CCDC171: variants seen among roughly 807,000 people sequenced by gnomAD.
CCDC171 encodes the protein coiled-coil domain-containing protein 171.
In CCDC171, 177 loss-of-function variants were observed where a neutral mutation model predicts 168.2. The ratio of observed to expected loss-of-function variants is 1.05; its 90% confidence interval spans 0.93 to 1.19. The LOEUF is 1.19. Ranked by LOEUF, CCDC171 falls within the 50% of genes most tolerant of loss-of-function variation. The pLI is 0.00. For synonymous variants in CCDC171, 687 were observed against 540.8 expected, an observed-to-expected ratio of 1.27 and a Z score of -3.75; for missense variants, 1,991 against 1,539.0, an observed-to-expected ratio of 1.29 and a Z score of -4.91.
intron 21 of CCDC171, among the ~76,000 whole-genome samples, chr9:15,804,675 G>GA (rs1356891787): frequency 2.6e-5 from 4 of 152,104 alleles, no homozygotes; most frequent in Non-Finnish European, 5.9e-5. Flanking sequence ...TGTTCATTAA[G>GA]AATATTAGCC....
the CCDC171 span, among the ~76,000 whole-genome samples, chr9:16,071,291 T>A: frequency 6.6e-6 from 1 of 152,186 alleles, no homozygotes; most frequent in African/African-American, 2.4e-5. Flanking sequence ...TTTCTGCTCC[T>A]GTGATTGCCA....
intron 10 of CCDC171, among the ~76,000 whole-genome samples, chr9:15,688,087 C>T (rs1198169921): frequency 2.1e-5 from 3 of 144,406 alleles, no homozygotes; most frequent in Non-Finnish European, 3.0e-5. Flanking sequence ...CCATTGCACT[C>T]CAGCCTGGGC....
At chr9:15,792,456 T>TC (rs968686168) in intron 21 of CCDC171, among the ~76,000 whole-genome samples, 29 of 152,138 alleles carry the variant, frequency 1.9e-4, no homozygotes, top group African/African-American at 5.8e-4. Flanking sequence ...ACATTCAAAT[T>TC]CAGGAAATAC....
chr9:15,628,293 G>A (rs1034716894), intron 7 of CCDC171, among the ~76,000 whole-genome samples: 1 of 152,154 alleles, frequency 6.6e-6, no homozygotes, highest in Admixed American at 6.5e-5. Flanking sequence ...GGGATGACAG[G>A]TGGCACCTGG....
At chr9:15,648,918 A>C (rs957843161) in intron 7 of CCDC171, among the ~76,000 whole-genome samples, 4 of 152,226 alleles carry the variant, frequency 2.6e-5, no homozygotes, top group Non-Finnish European at 5.9e-5. Context: ...ATATGAAACC[A>C]GAAAAGAGAC....
chr9:15,939,077 C>G (rs921010421), intron 25 of CCDC171, among the ~76,000 whole-genome samples: 1 of 150,154 alleles, frequency 6.7e-6, no homozygotes, highest in African/African-American at 2.4e-5. Flanking sequence ...TTTGCCTCTT[C>G]TTGATAATAT....
chr9:15,960,915 C>G (rs2132634800), intron 25 of CCDC171, among the ~76,000 whole-genome samples: 1 of 152,178 alleles, frequency 6.6e-6, no homozygotes, highest in East Asian at 1.9e-4. Context: ...ATAAAGGCAG[C>G]TTGCAGCATT....
At chr9:15,737,175 T>C (rs2054551699) in intron 16 of CCDC171, among the ~76,000 whole-genome samples, 1 of 151,986 alleles carries the variant, frequency 6.6e-6, no homozygotes, top group South Asian at 2.1e-4. Context: ...TTAGTTAATA[T>C]TAATAAAAAA....
At chr9:15,978,683 C>T (rs939598119), downstream of CCDC171, among the ~76,000 whole-genome samples, 4 of 152,244 alleles carry the variant, frequency 2.6e-5, no homozygotes, top group East Asian at 1.9e-4. Flanking sequence ...GATAAGAATT[C>T]GAACACCTAG....
intron 8 of CCDC171, among the ~76,000 whole-genome samples, chr9:15,659,183 C>G (rs868377031): frequency 6.6e-6 from 1 of 152,148 alleles, no homozygotes; most frequent in East Asian, 1.9e-4. Flanking sequence ...TCTTGACATC[C>G]TGCTTTTTGT....
the CCDC171 span, among the ~76,000 whole-genome samples, chr9:16,088,793 A>T: frequency 6.6e-6 from 1 of 152,220 alleles, no homozygotes; most frequent in African/African-American, 2.4e-5. Flanking sequence ...GCCCAAAGTA[A>T]TTTATAGATT....
At chr9:16,104,160 T>A in the CCDC171 span, among the ~76,000 whole-genome samples, 1 of 152,200 alleles carries the variant, frequency 6.6e-6, no homozygotes, top group South Asian at 2.1e-4. Context: ...CTCTCCTTCT[T>A]CTTACAAGCC....
intron 9 of CCDC171, among the ~76,000 whole-genome samples, chr9:15,666,717 C>T (rs940729297): frequency 2.0e-5 from 3 of 151,906 alleles, no homozygotes; most frequent in East Asian, 1.9e-4. Context: ...CCCAGCTACT[C>T]GAGAGGCTGA....
At chr9:15,642,374 T>TATATATATATATAAAATGC (rs2046707791) in intron 7 of CCDC171, among the ~76,000 whole-genome samples, 1 of 50,136 alleles carries the variant, frequency 2.0e-5, no homozygotes, top group African/African-American at 4.4e-5. Flanking sequence ...TATATATATA[T>TATATATATATATAAAATGC]ATATATATAT....
chr9:15,948,030 G>A (rs891255128), intron 25 of CCDC171, among the ~76,000 whole-genome samples: 1 of 148,810 alleles, frequency 6.7e-6, no homozygotes, highest in Non-Finnish European at 1.5e-5. Context: ...CTGTGTCCAT[G>A]TGTTCTCATT....
intron 10 of CCDC171, among the ~76,000 whole-genome samples, chr9:15,681,503 T>G (rs1052976083): frequency 5.3e-5 from 8 of 152,154 alleles, no homozygotes; most frequent in Non-Finnish European, 1.2e-4. Context: ...GCTGCTGTTC[T>G]CTATTTCTTT....
At chr9:16,001,660 G>C (rs1227545606) in intron 3 of CCDC171, among the ~76,000 whole-genome samples, 1 of 151,998 alleles carries the variant, frequency 6.6e-6, no homozygotes, top group Non-Finnish European at 1.5e-5. Flanking sequence ...AATTCCTATA[G>C]CCGAGTGACA....
At chr9:15,988,231 T>C (rs1031769207) in intron 3 of CCDC171, among the ~76,000 whole-genome samples, 1 of 152,312 alleles carries the variant, frequency 6.6e-6, no homozygotes, top group Admixed American at 6.5e-5. Context: ...TATGAAGCTA[T>C]GATGCTGTGT....
At chr9:15,700,579 G>A (rs1458351342) in intron 11 of CCDC171, among the ~76,000 whole-genome samples, 1 of 152,236 alleles carries the variant, frequency 6.6e-6, no homozygotes, top group Non-Finnish European at 1.5e-5. Context: ...AGGGCTGTGA[G>A]GACTGCCAGC....
Sources: allele counts gnomAD v4.1 joint callset (sites outside exome capture counted in the v4.1 genomes callset), GRCh38; gene constraint gnomAD v4.1.1; transcripts MANE v1.5; gene names NCBI Gene and HGNC (gene_info 2026-07-23, HGNC 2026-07-21).